The following MYO5B variants were observed in gnomAD, a reference collection of about 807,000 sequenced individuals.
The protein encoded by MYO5B is unconventional myosin-Vb.
Under a neutral mutation model 229.3 loss-of-function variants are expected in MYO5B, and 143 were observed. That is an observed-to-expected ratio of 0.62 (90% CI 0.54 to 0.72). The LOEUF is 0.72. Ranked by LOEUF, MYO5B falls within the 30% of genes least tolerant of loss-of-function variation. The pLI is 0.00. For missense variants in MYO5B, 2,321 were observed against 2,331.0 expected (o/e 1.00, Z 0.09); for synonymous variants, 918 against 885.2 (o/e 1.04, Z -0.66).
Position 49,904,652 on chromosome 18 carries a change from C to T in MYO5B, c.2571+20G>A. 1.9e-6 allele frequency: 3 copies of T among 1,614,052 alleles called. No individual in the cohort carries two copies. The highest frequency in any genetic ancestry group is 2.5e-6 in the Non-Finnish European group (3 of 1,180,026). On this transcript the variant is annotated intron_variant, in intron 20 of 39. Coordinates refer to ENST00000285039, the MANE Select transcript of MYO5B (RefSeq NM_001080467.3). ...TAGTTCTGAATCTGCAGCCCTGAGG[C>T]CCTCAGAGTGGCTACTCACCTGGCG...
At chr18:49,987,525 C>A (rs1015287077) in intron 7 of MYO5B, among the ~76,000 whole-genome samples, 5 of 152,068 alleles carry the variant, frequency 3.3e-5, no homozygotes, top group African/African-American at 4.8e-5. Flanking sequence ...GAGAAATGTA[C>A]CACAAACCTC....
intron 10 of MYO5B, among the ~76,000 whole-genome samples, chr18:49,963,908 C>T (rs2025591801): frequency 6.6e-6 from 1 of 152,044 alleles, no homozygotes; most frequent in Non-Finnish European, 1.5e-5. Context: ...TTCAGTCAGC[C>T]CCCTCGCAAG....
intron 17 of MYO5B, among the ~76,000 whole-genome samples, chr18:49,927,261 G>A (rs974269074): frequency 4.0e-5 from 6 of 151,804 alleles, no homozygotes; most frequent in African/African-American, 1.5e-4. Flanking sequence ...GCTCATGGAC[G>A]GGTAGAATCA....
At chr18:49,870,338 C>A (rs528958832) in intron 27 of MYO5B, among the ~76,000 whole-genome samples, 1 of 152,292 alleles carries the variant, frequency 6.6e-6, no homozygotes, top group African/African-American at 2.4e-5. Flanking sequence ...TTGTAAAACT[C>A]TCAGAAGAAA....
intron 27 of MYO5B, among the ~76,000 whole-genome samples, chr18:49,865,311 C>T (rs1041776787): frequency 3.9e-5 from 6 of 152,122 alleles, no homozygotes; most frequent in African/African-American, 1.4e-4. Flanking sequence ...GACTCCTGGT[C>T]CAGGGCGCCC....
intron 1 of MYO5B, among the ~76,000 whole-genome samples, chr18:50,072,983 T>C (rs1409250237): frequency 6.6e-6 from 1 of 152,118 alleles, no homozygotes; most frequent in East Asian, 1.9e-4. Flanking sequence ...AAAGGTATGG[T>C]GGGAGGCAAG....
chr18:50,160,731 T>C (rs553722241), intron 1 of MYO5B, among the ~76,000 whole-genome samples: 1 of 152,322 alleles, frequency 6.6e-6, no homozygotes, highest in African/African-American at 2.4e-5. Flanking sequence ...CCACTCATCC[T>C]AGTTGTGACC....
chr18:49,911,347 T>G (rs963776466), intron 18 of MYO5B, among the ~76,000 whole-genome samples: 1 of 152,216 alleles, frequency 6.6e-6, no homozygotes, highest in Admixed American at 6.5e-5. Flanking sequence ...ATGTTAGAGA[T>G]AGTTATAGAA....
At chr18:49,837,008 A>G (rs2023995512) in intron 37 of MYO5B, 123 bp from the exon 38 acceptor site, 1 of 955,348 alleles carries the variant, frequency 1.0e-6, no homozygotes, top group South Asian at 1.4e-5. Context: ...ACACGGTTAA[A>G]AAGCATGGCA....
intron 5 of MYO5B, among the ~76,000 whole-genome samples, chr18:49,994,528 A>G (rs1478118776): frequency 1.3e-5 from 2 of 152,164 alleles, no homozygotes; most frequent in African/African-American, 4.8e-5. Flanking sequence ...AGGGGGAGAA[A>G]GTACAACCTT....
chr18:49,999,154 C>A (rs1164982936), intron 5 of MYO5B, among the ~76,000 whole-genome samples: 1 of 152,168 alleles, frequency 6.6e-6, no homozygotes, highest in South Asian at 2.1e-4. Context: ...TCTTGTCTTT[C>A]GTTTTGCTCA....
At chr18:49,922,990 C>T (rs1317698659) in intron 17 of MYO5B, among the ~76,000 whole-genome samples, 1 of 152,162 alleles carries the variant, frequency 6.6e-6, no homozygotes, top group Non-Finnish European at 1.5e-5. Context: ...TGGGGAAATG[C>T]ATTCTTTTAG....
intron 17 of MYO5B, among the ~76,000 whole-genome samples, chr18:49,929,030 G>T (rs2025159967): frequency 6.6e-6 from 1 of 152,190 alleles, no homozygotes; most frequent in African/African-American, 2.4e-5. Context: ...CTGCTTGGGT[G>T]ATGGGTGCAC....
chr18:50,009,281 G>T (rs1051362729), intron 4 of MYO5B, among the ~76,000 whole-genome samples: 2 of 152,180 alleles, frequency 1.3e-5, no homozygotes, highest in African/African-American at 4.8e-5. Flanking sequence ...GGGAGGCTGA[G>T]GCAGGAGAAC....
chr18:49,947,919 T>C (rs973509147), intron 14 of MYO5B, among the ~76,000 whole-genome samples: 11 of 152,196 alleles, frequency 7.2e-5, no homozygotes, highest in African/African-American at 2.7e-4. Flanking sequence ...TTGTTACATC[T>C]GTATACATAT....
At chr18:50,144,028 G>T (rs2032460975) in intron 1 of MYO5B, among the ~76,000 whole-genome samples, 1 of 152,154 alleles carries the variant, frequency 6.6e-6, no homozygotes, top group South Asian at 2.1e-4. Flanking sequence ...GAGGCAAGCT[G>T]CACTGAACAC....
chr18:49,985,839 C>T (rs2025865093), intron 7 of MYO5B, among the ~76,000 whole-genome samples: 1 of 152,168 alleles, frequency 6.6e-6, no homozygotes, highest in Admixed American at 6.5e-5. Flanking sequence ...CTGCAACTCC[C>T]AGTGCTCCTT....
intron 1 of MYO5B, among the ~76,000 whole-genome samples, chr18:50,116,812 T>C (rs2031970852): frequency 7.0e-6 from 1 of 142,886 alleles, no homozygotes; most frequent in Non-Finnish European, 1.5e-5. Flanking sequence ...GCAATTCTGA[T>C]ACCCACTAAA....
chr18:49,960,628 AG>A (rs2025548133), intron 12 of MYO5B, among the ~76,000 whole-genome samples: 1 of 152,226 alleles, frequency 6.6e-6, no homozygotes, highest in Non-Finnish European at 1.5e-5. Flanking sequence ...CTGAATTTCC[AG>A]AACAATTAAA....
Sources: gnomAD v4.1 joint callset for allele counts (sites outside exome capture counted in the v4.1 genomes callset) on GRCh38, gnomAD v4.1.1 for gene constraint, MANE v1.5 for transcripts, NCBI Gene and HGNC (gene_info 2026-07-23, HGNC 2026-07-21) for gene names.